STXBP6: variants seen among roughly 807,000 people sequenced by gnomAD.
STXBP6 encodes syntaxin binding protein 6.
STXBP6 carries 21 observed loss-of-function variants against 26.9 expected under a neutral mutation model. That is an observed-to-expected ratio of 0.78 (90% CI 0.55 to 1.12). The LOEUF is 1.12. Ranked by LOEUF, STXBP6 falls within the 50% of genes most tolerant of loss-of-function variation. The probability of loss-of-function intolerance (pLI) is 0.00; values close to 1 mark genes in which losing one functional copy is unlikely to be tolerated. For missense variants in STXBP6, 232 were observed against 257.9 expected, an observed-to-expected ratio of 0.90 and a Z score of 0.69; for synonymous variants, 97 against 92.6, an observed-to-expected ratio of 1.05 and a Z score of -0.27.
intron 1 of STXBP6, among the ~76,000 whole-genome samples, chr14:25,003,906 G>A (rs577117187): frequency 6.6e-6 from 1 of 152,314 alleles, no homozygotes; most frequent in South Asian, 2.1e-4. Context: ...ACTAGCTCAA[G>A]CAGCTCTCCC....
intron 2 of STXBP6, among the ~76,000 whole-genome samples, chr14:24,898,742 T>A (rs1165345147): frequency 6.6e-6 from 1 of 152,172 alleles, no homozygotes; most frequent in Non-Finnish European, 1.5e-5. Flanking sequence ...TGTCAGCCAC[T>A]CATATGAAGG....
intron 4 of STXBP6, among the ~76,000 whole-genome samples, chr14:24,836,859 A>C (rs924075269): frequency 6.6e-6 from 1 of 152,168 alleles, no homozygotes; most frequent in African/African-American, 2.4e-5. Flanking sequence ...TTACGGCAGG[A>C]TAGATCTATA....
chr14:24,990,659 CAAAAAAAAA>C (rs1211659589), intron 1 of STXBP6, among the ~76,000 whole-genome samples: 5 of 57,338 alleles, frequency 8.7e-5, no homozygotes, highest in Admixed American at 2.1e-4. Context: ...AACTCCATCT[CAAAAAAAAA>C]AAAAAAAAAA....
chr14:24,995,355 T>C (rs10131274), intron 1 of STXBP6, among the ~76,000 whole-genome samples: 56,996 of 152,078 alleles, frequency 0.37, 13,399 homozygotes, highest in African/African-American at 0.67. Flanking sequence ...TTTGGGGGCA[T>C]ATTCAGACCA....
Position 24,819,337 on chromosome 14 carries a change from C to G in STXBP6, c.452-143G>C, listed in dbSNP as rs1457802444. Reference sequence around the variant, plus strand: ...GTCTAGTGTCTAGGAAACAAGCCGACATTTCTTTTGATTGGGTTTGACTGA... The same window carrying G: ...GTCTAGTGTCTAGGAAACAAGCCGAGATTTCTTTTGATTGGGTTTGACTGA... On this transcript the variant is annotated intron_variant, in intron 4 of 5. Transcript: ENST00000323944. 10 of 944,102 alleles carry G rather than the reference C, an allele frequency of 1.1e-5. 1 individual carries two copies. The South Asian group carries it at 1.3e-4, about 12-fold the overall frequency. 58.5% of individuals were successfully genotyped at this position (944,102 alleles called of 1,614,324 possible).
intron 1 of STXBP6, among the ~76,000 whole-genome samples, chr14:25,022,473 C>T (rs887695248): frequency 1.6e-4 from 24 of 152,166 alleles, no homozygotes; most frequent in African/African-American, 4.8e-4. Context: ...CACCCTGGGT[C>T]ACACACTTCA....
intron 2 of STXBP6, among the ~76,000 whole-genome samples, chr14:24,941,421 A>G (rs2072799619): frequency 6.6e-6 from 1 of 152,226 alleles, no homozygotes; most frequent in Admixed American, 6.5e-5. Flanking sequence ...CAGCTGGGTG[A>G]GGAAATAGGA....
At chr14:24,861,853 T>C (rs1370716532) in intron 2 of STXBP6, among the ~76,000 whole-genome samples, 1 of 152,200 alleles carries the variant, frequency 6.6e-6, no homozygotes, top group African/African-American at 2.4e-5. Context: ...CCAGACCAAC[T>C]TGTGAAATGG....
intron 1 of STXBP6, among the ~76,000 whole-genome samples, chr14:25,003,058 G>C (rs1047164207): frequency 1.3e-5 from 2 of 152,170 alleles, no homozygotes; most frequent in African/African-American, 4.8e-5. Context: ...TAAAGGTCAA[G>C]GAATCAAAGA....
At chr14:24,980,036 T>C (rs2074146071) in intron 1 of STXBP6, among the ~76,000 whole-genome samples, 1 of 152,212 alleles carries the variant, frequency 6.6e-6, no homozygotes, top group Admixed American at 6.5e-5. Flanking sequence ...TTGTAAATGT[T>C]AAAATCTAAA....
At chr14:24,845,571 G>C (rs2077250) in intron 4 of STXBP6, among the ~76,000 whole-genome samples, 6,717 of 152,080 alleles carry the variant, frequency 0.044, 517 homozygotes, top group African/African-American at 0.15. Flanking sequence ...ATAGTCTATA[G>C]GACATATATA....
intron 2 of STXBP6, among the ~76,000 whole-genome samples, chr14:24,904,890 T>C (rs991157349): frequency 6.6e-6 from 1 of 151,658 alleles, no homozygotes; most frequent in African/African-American, 2.4e-5. Context: ...TTCTATTTGA[T>C]TAGAGAAAAT....
chr14:24,934,920 TA>T (rs950763318), intron 2 of STXBP6, among the ~76,000 whole-genome samples: 1 of 151,960 alleles, frequency 6.6e-6, no homozygotes, highest in Non-Finnish European at 1.5e-5. Flanking sequence ...ATACTCTTTT[TA>T]AAAAAAATCT....
chr14:25,014,725 T>C (rs965306209), intron 1 of STXBP6, among the ~76,000 whole-genome samples: 1 of 152,214 alleles, frequency 6.6e-6, no homozygotes, highest in Non-Finnish European at 1.5e-5. Flanking sequence ...TAGACATCTC[T>C]CCAACAAAGC....
chr14:24,845,505 G>A (rs2068932819), intron 4 of STXBP6, among the ~76,000 whole-genome samples: 1 of 152,146 alleles, frequency 6.6e-6, no homozygotes, highest in South Asian at 2.1e-4. Flanking sequence ...TTCATAAAAA[G>A]TCTAGGTGCT....
intron 1 of STXBP6, among the ~76,000 whole-genome samples, chr14:25,048,694 G>T (rs140518138): frequency 1.3e-5 from 2 of 152,218 alleles, no homozygotes; most frequent in African/African-American, 4.8e-5. Flanking sequence ...ATTCCCACTA[G>T]CAGCCTCTGA....
chr14:24,921,405 C>T (rs1256874067), intron 2 of STXBP6, among the ~76,000 whole-genome samples: 1 of 152,114 alleles, frequency 6.6e-6, no homozygotes, highest in Admixed American at 6.5e-5. Flanking sequence ...TTAAGAAGTG[C>T]AATTTTACTA....
At chr14:24,960,923 G>T (rs1428597137) in intron 2 of STXBP6, among the ~76,000 whole-genome samples, 7 of 152,170 alleles carry the variant, frequency 4.6e-5, no homozygotes, top group African/African-American at 1.7e-4. Flanking sequence ...AATTAAACTG[G>T]AAAGATCTGA....
intron 2 of STXBP6, among the ~76,000 whole-genome samples, chr14:24,885,979 AT>A (rs957984977): frequency 2.0e-5 from 3 of 152,176 alleles, no homozygotes; most frequent in African/African-American, 7.2e-5. Flanking sequence ...GTGTTCATGA[AT>A]TTGCACTTAT....
Sources: gnomAD v4.1 joint callset for allele counts (sites outside exome capture counted in the v4.1 genomes callset) on GRCh38, gnomAD v4.1.1 for gene constraint, MANE v1.5 for transcripts, NCBI Gene and HGNC (gene_info 2026-07-23, HGNC 2026-07-21) for gene names.